The following SYT10 variants were observed in gnomAD, a reference collection of about 807,000 sequenced individuals.
SYT10 encodes the protein synaptotagmin 10, also known as synaptotagmin-10.
A neutral mutation model predicts 51.1 loss-of-function variants in SYT10; 31 were observed. The observed-to-expected ratio is 0.61, with a 90% CI of 0.46 to 0.82. The LOEUF is 0.82. Among genes scored for constraint, SYT10 ranks in the 40% least tolerant of loss-of-function variants. SYT10 has a pLI of 0.00. For synonymous variants in SYT10, 233 were observed against 225.9 expected, an observed-to-expected ratio of 1.03 and a Z score of -0.28; for missense variants, 603 against 634.0, an observed-to-expected ratio of 0.95 and a Z score of 0.53.
intron 3 of SYT10, among the ~76,000 whole-genome samples, chr12:33,395,861 G>T (rs1324921802): frequency 8.7e-6 from 1 of 115,070 alleles, no homozygotes; most frequent in Non-Finnish European, 1.7e-5. Flanking sequence ...TGTTTCACAA[G>T]AAAATTCATT....
intron 3 of SYT10, among the ~76,000 whole-genome samples, chr12:33,399,277 A>C (rs571633008): frequency 9.7e-4 from 148 of 152,324 alleles, no homozygotes; most frequent in Non-Finnish European, 1.4e-3. Flanking sequence ...TACTGTGCTT[A>C]CCCAGCAACT....
chr12:33,420,483 GA>G (rs200136268), intron 2 of SYT10, among the ~76,000 whole-genome samples: 2 of 145,624 alleles, frequency 1.4e-5, no homozygotes, highest in African/African-American at 2.5e-5. Context: ...CTCATCTCTA[GA>G]AAAAAAAATA....
At chr12:33,422,104 A>T (rs1356869048) in intron 2 of SYT10, among the ~76,000 whole-genome samples, 2 of 150,928 alleles carry the variant, frequency 1.3e-5, no homozygotes, top group East Asian at 1.9e-4. Context: ...AAAAAAACTT[A>T]AAAAAAAAGC....
Position 33,376,634 on chromosome 12 carries a change from CT to C in SYT10, c.*195del. 1 of 605,108 alleles carries C rather than the reference CT, an allele frequency of 1.7e-6. No homozygotes were observed. The highest frequency in any genetic ancestry group is 2.9e-6 in the Non-Finnish European group (1 of 347,344). The allele number at this position is 605,108 out of a possible 1,614,324, so 37.5% of individuals were successfully genotyped here. On this transcript the variant is annotated 3_prime_UTR_variant, in exon 7 of 7. Transcript: ENST00000228567. The stretch of plus-strand genomic sequence containing the variant: ...ATAAAATGCCTTATGCAACTAAGGA[CT>C]ATATGTATTCAAGTAAAATGTATTG...
At chr12:33,391,726 A>G (rs1866209159) in intron 3 of SYT10, among the ~76,000 whole-genome samples, 1 of 152,238 alleles carries the variant, frequency 6.6e-6, no homozygotes, top group African/African-American at 2.4e-5. Context: ...AGCCTGACAC[A>G]CAGTAGGTGC....
In SYT10 at chr12:33,427,831, A is replaced by G. The variant is rs1350800282; in HGVS notation, c.152-1336T>C. Among the ~76,000 whole-genome samples the G allele has an allele frequency of 2.0e-5, 3 of 152,348 alleles. No homozygotes were observed. In the East Asian group the frequency reaches 5.8e-4, roughly 29 times the overall value. On this transcript the variant is annotated intron_variant, in intron 1 of 6. Coordinates refer to ENST00000228567, the MANE Select transcript of SYT10 (RefSeq NM_198992.4). ...GGAGAATTTATAAAGTCATCAAAAAATTTTAAATGACTTTTTCATGTTTGT... is the reference window on the plus strand; with the variant it reads ...GGAGAATTTATAAAGTCATCAAAAAGTTTTAAATGACTTTTTCATGTTTGT...
intron 3 of SYT10, among the ~76,000 whole-genome samples, chr12:33,392,985 T>TAAGAAAAAAAAA (rs1866222378): frequency 1.7e-5 from 1 of 59,104 alleles, no homozygotes; most frequent in Admixed American, 2.2e-4. Flanking sequence ...TTTTTGCCAT[T>TAAGAAAAAAAAA]AAAAAAAAAA....
At chr12:33,409,772 T>C (rs984358961) in intron 2 of SYT10, among the ~76,000 whole-genome samples, 1 of 152,098 alleles carries the variant, frequency 6.6e-6, no homozygotes, top group African/African-American at 2.4e-5. Flanking sequence ...TACAAATTAG[T>C]GACCATCCAT....
At chr12:33,396,506 T>C (rs910154762) in intron 3 of SYT10, among the ~76,000 whole-genome samples, 3 of 152,208 alleles carry the variant, frequency 2.0e-5, no homozygotes, top group Admixed American at 2.0e-4. Flanking sequence ...TATAAGTATT[T>C]ATATTTTAAA....
rs1866357838 is a variant in SYT10 at position 33,406,892 on chromosome 12, G to A, written c.974C>T (p.Ser325Phe). Residue 325 changes from serine to phenylalanine, a missense_variant, in exon 3 of 7, where the codon TCT (serine) becomes TTT (phenylalanine). Physicochemically the swap from Ser to Phe is radical, Grantham distance 155. Coordinates refer to ENST00000228567, the MANE Select transcript of SYT10 (RefSeq NM_198992.4). ...CACTTCCCCAATCATGTCATGTCTAGAAAATCTGTCAAAATCATACACACT... is the reference window on the plus strand; with the variant it reads ...CACTTCCCCAATCATGTCATGTCTAAAAAATCTGTCAAAATCATACACACT... ...HFSVYDFDRFSRHDMIGEVIL... is the reference protein window; with the variant it reads ...HFSVYDFDRFFRHDMIGEVIL... The A allele has an allele frequency of 6.2e-7, 1 of 1,613,902 alleles. No individual in the cohort carries two copies. Among genetic ancestry groups the A allele is most frequent in the South Asian group, 1.1e-5 (1 of 91,084 alleles).
chr12:33,418,662 T>C (rs1444664621), intron 2 of SYT10, among the ~76,000 whole-genome samples: 1 of 152,176 alleles, frequency 6.6e-6, no homozygotes. Flanking sequence ...TCTTCTTATT[T>C]CACTCACATG....
chr12:33,383,514 T>G (rs554714300), intron 4 of SYT10, among the ~76,000 whole-genome samples: 2 of 152,202 alleles, frequency 1.3e-5, no homozygotes, highest in Admixed American at 1.3e-4. Context: ...ATAGGGTATG[T>G]AGAGGAAAAC....
At chr12:33,430,652 A>G (rs945042235) in intron 1 of SYT10, among the ~76,000 whole-genome samples, 8 of 152,180 alleles carry the variant, frequency 5.3e-5, no homozygotes, top group Middle Eastern at 3.4e-3. Context: ...TACAAAATGT[A>G]CAAAAATGTG....
chr12:33,381,710 G>A (rs111912789), intron 5 of SYT10, among the ~76,000 whole-genome samples: 6 of 152,100 alleles, frequency 3.9e-5, no homozygotes, highest in Admixed American at 6.5e-5. Context: ...GGTAAGAGCT[G>A]CAGTGGGAAG....
intron 3 of SYT10, among the ~76,000 whole-genome samples, chr12:33,397,254 T>G (rs994392303): frequency 6.6e-5 from 10 of 152,024 alleles, no homozygotes; most frequent in Non-Finnish European, 1.3e-4. Flanking sequence ...GAGGGCTTCG[T>G]GAAGGGCTAT....
At chr12:33,409,923 C>G (rs79676356) in intron 2 of SYT10, among the ~76,000 whole-genome samples, 4,508 of 152,144 alleles carry the variant, frequency 0.03, 189 homozygotes, top group East Asian at 0.14. Context: ...ACTGTCATGA[C>G]AGCATTTAGG....
At chr12:33,410,939 C>T (rs974012380) in intron 2 of SYT10, among the ~76,000 whole-genome samples, 4 of 152,132 alleles carry the variant, frequency 2.6e-5, no homozygotes, top group African/African-American at 4.8e-5. Context: ...GGAGTACTTA[C>T]GATGTTGCAG....
intron 3 of SYT10, among the ~76,000 whole-genome samples, chr12:33,386,035 G>T (rs1565491076): frequency 6.6e-6 from 1 of 152,038 alleles, no homozygotes; most frequent in Admixed American, 6.6e-5. Context: ...GTCCACATTT[G>T]TTTTTTGAAA....
At chr12:33,409,317 G>A (rs1198285448) in intron 2 of SYT10, among the ~76,000 whole-genome samples, 1 of 149,816 alleles carries the variant, frequency 6.7e-6, no homozygotes, top group Non-Finnish European at 1.5e-5. Flanking sequence ...CCCAGGTTGA[G>A]GCGATTCTCC....
Sources: allele counts gnomAD v4.1 joint callset (sites outside exome capture counted in the v4.1 genomes callset), GRCh38; gene constraint gnomAD v4.1.1; transcripts MANE v1.5; gene names NCBI Gene and HGNC (gene_info 2026-07-23, HGNC 2026-07-21).